CC2D2A: variants seen among roughly 807,000 people sequenced by gnomAD.
CC2D2A encodes coiled-coil and C2 domain-containing protein 2A.
In CC2D2A, 155 loss-of-function variants were observed where a neutral mutation model predicts 212.9. That is an observed-to-expected ratio of 0.73 (90% CI 0.64 to 0.83). The LOEUF (loss-of-function observed/expected upper bound fraction) is 0.83. CC2D2A is among the 40% of genes least tolerant of loss of function. The pLI is 0.00. For missense variants in CC2D2A, 1,856 were observed against 1,956.2 expected (o/e 0.95, Z 0.97); for synonymous variants, 667 against 686.5 (o/e 0.97, Z 0.44).
chr4:15,584,568 A>G (rs1720783963), intron 30 of CC2D2A, among the ~76,000 whole-genome samples: 1 of 152,238 alleles, frequency 6.6e-6, no homozygotes, highest in Non-Finnish European at 1.5e-5. Context: ...ATACAAGGGA[A>G]GTACTTCATG....
rs755273812 is a variant in CC2D2A at position 15,527,679 on chromosome 4, T to C, written c.1359+23T>C. The C allele has an allele frequency of 3.2e-6, 5 of 1,546,416 alleles. No individual in the cohort carries two copies. The Admixed American group carries it at 9.4e-5, about 29-fold the overall frequency. On this transcript the variant is annotated intron_variant, in intron 12 of 36. Coordinates refer to ENST00000424120, the MANE Select transcript of CC2D2A (RefSeq NM_001378615.1). The stretch of plus-strand genomic sequence containing the variant: ...AAGGTACATGTGATTTCTTCCATAA[T>C]GATTGTCAATGGAGTTGGTTCTTCC...
In CC2D2A at chr4:15,601,228, T is replaced by TC; in HGVS notation, c.4675-6dup. On this transcript the variant is annotated splice_polypyrimidine_tract_variant and intron_variant, in intron 36 of 36. Transcript: ENST00000424120. Reference sequence around the variant, plus strand: ...TTCACTAATGACTACAAATGTTTTTTCCCTTCAGTTCTCTGGATTTCCTCT... The same window carrying TC: ...TTCACTAATGACTACAAATGTTTTTTCCCCTTCAGTTCTCTGGATTTCCTCT... 1 of 1,608,148 alleles carries TC rather than the reference T, an allele frequency of 6.2e-7. No homozygotes were observed.
At chr4:15,553,694 G>C (rs1005250620) in intron 19 of CC2D2A, among the ~76,000 whole-genome samples, 5 of 152,060 alleles carry the variant, frequency 3.3e-5, no homozygotes, top group Non-Finnish European at 7.3e-5. Flanking sequence ...CTGTTTACAT[G>C]AAAGTCCCCA....
intron 4 of CC2D2A, chr4:15,493,009 G>A: frequency 2.4e-6 from 1 of 408,228 alleles, no homozygotes; most frequent in African/African-American, 2.1e-5. Context: ...CTATGTGGTT[G>A]CATTTCCCCT....
At chr4:15,598,364 G>A (rs1283822903) in intron 35 of CC2D2A, among the ~76,000 whole-genome samples, 1 of 152,154 alleles carries the variant, frequency 6.6e-6, no homozygotes, top group Non-Finnish European at 1.5e-5. Context: ...ATTTAGTTAG[G>A]CAATGTACAA....
At chr4:15,578,681 A>C (rs1056731345) in intron 29 of CC2D2A, among the ~76,000 whole-genome samples, 4 of 152,222 alleles carry the variant, frequency 2.6e-5, no homozygotes, top group African/African-American at 9.6e-5. Context: ...GTTGGAGTGC[A>C]GTGGCTCAAT....
intron 6 of CC2D2A, among the ~76,000 whole-genome samples, chr4:15,505,183 C>T (rs936195738): frequency 6.6e-6 from 1 of 152,202 alleles, no homozygotes; most frequent in Non-Finnish European, 1.5e-5. Context: ...AAAGGAGAAA[C>T]CAGTTAGGAA....
intron 17 of CC2D2A, among the ~76,000 whole-genome samples, chr4:15,546,745 G>T (rs976241701): frequency 7.9e-5 from 12 of 152,212 alleles, no homozygotes; most frequent in Admixed American, 3.9e-4. Context: ...AGAAAGCCCT[G>T]CTGTGTGCAG....
At chr4:15,498,028 A>G (rs1459352938) in intron 4 of CC2D2A, among the ~76,000 whole-genome samples, 1 of 152,172 alleles carries the variant, frequency 6.6e-6, no homozygotes, top group Admixed American at 6.6e-5. Context: ...GTCAGGTATA[A>G]CAGAAGTCCT....
At chr4:15,593,870 CTTT>C (rs961152362) in intron 33 of CC2D2A, among the ~76,000 whole-genome samples, 22 of 152,190 alleles carry the variant, frequency 1.4e-4, no homozygotes, top group Non-Finnish European at 5.9e-5. Context: ...ACCCTACCTT[CTTT>C]TGTCTAGTCT....
At chr4:15,568,417 C>T (rs1278505935) in intron 26 of CC2D2A, among the ~76,000 whole-genome samples, 1 of 152,194 alleles carries the variant, frequency 6.6e-6, no homozygotes, top group Non-Finnish European at 1.5e-5. Flanking sequence ...AATCCCAGCA[C>T]TTTGGGAGGC....
chr4:15,511,348 T>C lies in CC2D2A; in HGVS notation c.642T>C (p.His214=). The change falls in exon 8 of 37, where the codon CAT becomes CAC. Residue 214 remains histidine, a synonymous_variant. Transcript: ENST00000424120. ...CAGAGGAAAAACCAAAAGCAAGACA[T>C]AGAGCGGGAACTAATCAAGAGGAGG... is the stretch of plus-strand genomic sequence containing the variant. The part of the protein sequence containing the change: ...EGSEEKPKAR[H]RAGTNQEEEE... 1.3e-6 allele frequency: 2 copies of C among 1,588,054 alleles called. No individual in the cohort carries two copies. Among genetic ancestry groups the C allele is most frequent in the Non-Finnish European group, 1.7e-6 (2 of 1,170,216 alleles).
At chr4:15,524,129 G>A (rs1717360881) in intron 11 of CC2D2A, among the ~76,000 whole-genome samples, 2 of 152,078 alleles carry the variant, frequency 1.3e-5, no homozygotes, top group South Asian at 2.1e-4. Flanking sequence ...TTAATTTTCT[G>A]TACATTTTTG....
At chr4:15,530,098 A>C (rs1717761584) in intron 13 of CC2D2A, among the ~76,000 whole-genome samples, 1 of 151,282 alleles carries the variant, frequency 6.6e-6, no homozygotes, top group Non-Finnish European at 1.5e-5. Context: ...CAGCCTCCCG[A>C]GTAGCTGGGA....
In CC2D2A at chr4:15,563,423, G is replaced by C. The variant is rs775439922; in HGVS notation, c.3083G>C (p.Arg1028Pro). 1 of 1,609,972 alleles carries C rather than the reference G, an allele frequency of 6.2e-7. No homozygotes were observed. Among genetic ancestry groups the C allele is most frequent in the East Asian group, 2.2e-5 (1 of 44,712 alleles). ...KRPLRPRRKG[R>P]KKVTAQNLSD... ...CCACTGCGGCCAAGGAGAAAAGGTC[G>C]GAAGAAGGTGACAGCCCAAAACCTG... Residue 1028 changes from arginine to proline, a missense_variant, in exon 24 of 37, where the codon CGG (arginine) becomes CCG (proline). Arg to Pro is a moderately radical substitution (Grantham distance 103, BLOSUM62 -2). This residue lies in a region of CC2D2A where 1,512 missense variants were observed against 1,579.3 expected (regional missense o/e 0.96). Coordinates refer to ENST00000424120, the MANE Select transcript of CC2D2A (RefSeq NM_001378615.1).
chr4:15,565,216 T>C (rs1719826359), intron 24 of CC2D2A, among the ~76,000 whole-genome samples: 1 of 152,216 alleles, frequency 6.6e-6, no homozygotes, highest in South Asian at 2.1e-4. Context: ...GTGCTTCTTG[T>C]AGTTTTCACC....
At chr4:15,545,518 T>A (rs1175462139) in intron 17 of CC2D2A, among the ~76,000 whole-genome samples, 2 of 152,212 alleles carry the variant, frequency 1.3e-5, no homozygotes, top group Non-Finnish European at 2.9e-5. Flanking sequence ...GGTGCATAGA[T>A]GTTAACGACC....
At chr4:15,487,067 T>C (rs1280354320) in intron 4 of CC2D2A, among the ~76,000 whole-genome samples, 4 of 152,064 alleles carry the variant, frequency 2.6e-5, no homozygotes, top group African/African-American at 9.6e-5. Context: ...GCCTGAGATA[T>C]AGTCTATCCT....
At chr4:15,471,366 G>A (rs1262350486) in intron 1 of CC2D2A, among the ~76,000 whole-genome samples, 28 of 148,890 alleles carry the variant, frequency 1.9e-4, no homozygotes, top group Non-Finnish European at 9.1e-5. Context: ...GTAGCTGGGG[G>A]TTGAAGATTG....
Sources: allele counts gnomAD v4.1 joint callset (sites outside exome capture counted in the v4.1 genomes callset), GRCh38; gene constraint gnomAD v4.1.1; regional missense constraint gnomAD v4.1.1; transcripts MANE v1.5; gene names NCBI Gene and HGNC (gene_info 2026-07-23, HGNC 2026-07-21).